Variants in ACYP2 observed in about 807,000 individuals in gnomAD.
ACYP2 encodes the protein acylphosphatase-2.
A neutral mutation model predicts 11.2 loss-of-function variants in ACYP2; 12 were observed. The ratio of observed to expected loss-of-function variants is 1.08; its 90% confidence interval spans 0.69 to 1.74. The LOEUF (loss-of-function observed/expected upper bound fraction) is 1.74, where lower values mean the gene tolerates loss of function less well. Ranked by LOEUF, ACYP2 falls within the 40% of genes most tolerant of loss-of-function variation. ACYP2 has a pLI of 0.00. For synonymous variants in ACYP2, 43 were observed against 32.2 expected, an observed-to-expected ratio of 1.33 and a Z score of -1.13; for missense variants, 134 against 101.9, an observed-to-expected ratio of 1.31 and a Z score of -1.35.
intron 6 of ACYP2, among the ~76,000 whole-genome samples, chr2:54,160,391 T>C (rs1682658905): frequency 6.6e-6 from 1 of 152,342 alleles, no homozygotes; most frequent in Non-Finnish European, 1.5e-5. Context: ...ATCAGCTTTT[T>C]CAGCCACTCA....
intron 4 of ACYP2, among the ~76,000 whole-genome samples, chr2:54,058,309 TA>T (rs36054811): frequency 1.4e-4 from 20 of 144,730 alleles, no homozygotes; most frequent in East Asian, 1.2e-3. Context: ...AAGCTTATAT[TA>T]AAAAAAAAAA....
intron 6 of ACYP2, among the ~76,000 whole-genome samples, chr2:54,196,635 T>G (rs1684492770): frequency 6.6e-6 from 1 of 152,178 alleles, no homozygotes; most frequent in African/African-American, 2.4e-5. Flanking sequence ...GCTGGATAAT[T>G]CTTTGTTGTG....
chr2:54,100,628 A>C (rs1291645406), intron 4 of ACYP2, among the ~76,000 whole-genome samples: 3 of 151,658 alleles, frequency 2.0e-5, no homozygotes, highest in African/African-American at 7.3e-5. Flanking sequence ...CTTTTTTAAT[A>C]CTCTACCAAT....
intron 2 of ACYP2, among the ~76,000 whole-genome samples, chr2:54,035,009 CAAAAAAA>C (rs550142135): frequency 2.0e-4 from 9 of 44,748 alleles, no homozygotes; most frequent in Non-Finnish European, 3.7e-4. Flanking sequence ...GACTACATCT[CAAAAAAA>C]AAAAAAAAAA....
chr2:54,104,482 G>T (rs550084982), intron 4 of ACYP2, among the ~76,000 whole-genome samples: 2 of 152,220 alleles, frequency 1.3e-5, no homozygotes, highest in South Asian at 2.1e-4. Context: ...CCTTTGTAAA[G>T]AACTTTTCCA....
At chr2:54,105,244 A>G (rs1390273756) in intron 4 of ACYP2, among the ~76,000 whole-genome samples, 2 of 152,118 alleles carry the variant, frequency 1.3e-5, no homozygotes, top group Non-Finnish European at 2.9e-5. Flanking sequence ...TGAAAGCTGT[A>G]TTTAATGCCA....
chr2:54,093,582 G>A (rs975663414), intron 4 of ACYP2, among the ~76,000 whole-genome samples: 1 of 152,188 alleles, frequency 6.6e-6, no homozygotes, highest in African/African-American at 2.4e-5. Context: ...TCTGGGTACA[G>A]GTCACTTCCT....
intron 4 of ACYP2, among the ~76,000 whole-genome samples, chr2:54,092,319 G>A (rs752504768): frequency 6.6e-6 from 1 of 152,206 alleles, no homozygotes; most frequent in African/African-American, 2.4e-5. Flanking sequence ...ATAATCAGGA[G>A]AAGTTGGGAT....
At position 53,973,812 on chromosome 2, in the gene ACYP2, T is replaced by G. The variant is rs1671301212; in HGVS notation, c.62+2T>G. The G allele has an allele frequency of 3.3e-6, 1 of 306,850 alleles. No individual in the cohort carries two copies. The highest frequency in any genetic ancestry group is 2.2e-5 in the African/African-American group (1 of 44,894). 19.0% of individuals were successfully genotyped at this position (306,850 alleles called of 1,614,324 possible). On this transcript the variant is annotated splice_donor_variant, in intron 2 of 6. Transcript: ENST00000607452. LOFTEE classifies it high-confidence loss of function. ...ACGGACGCGCGAGACAATGAGGAGG[T>G]ACTTGGAATAAAAGGAGGGATTTTT...
intron 6 of ACYP2, among the ~76,000 whole-genome samples, chr2:54,252,072 A>T (rs1687251692): frequency 6.6e-6 from 1 of 152,214 alleles, no homozygotes; most frequent in Admixed American, 6.5e-5. Flanking sequence ...CGTAAATCTC[A>T]GACCCGTCAC....
At chr2:53,982,834 G>C (rs906511961) in intron 2 of ACYP2, among the ~76,000 whole-genome samples, 61 of 69,816 alleles carry the variant, frequency 8.7e-4, no homozygotes, top group African/African-American at 2.5e-3. Context: ...AAGACTGTGT[G>C]TGTGTGTGTG....
rs1248716399 is a variant in ACYP2, at chr2:54,302,182, G to A, written c.405-2506G>A. ...CCTATGCCCAGTAGCCCTAGTCTTGGATTCCATGGTTTCAATTTCTCCCTT... is the reference window on the plus strand; with the variant it reads ...CCTATGCCCAGTAGCCCTAGTCTTGAATTCCATGGTTTCAATTTCTCCCTT... On this transcript the variant is annotated intron_variant, in intron 6 of 6. Transcript: ENST00000607452. Among the ~76,000 whole-genome samples, 3 of 152,180 alleles carry A rather than the reference G, an allele frequency of 2.0e-5. No individual in the cohort carries two copies. In the South Asian group the frequency reaches 6.2e-4, roughly 32 times the overall value.
chr2:54,146,655 A>G (rs1175981459), intron 6 of ACYP2, among the ~76,000 whole-genome samples: 2 of 151,594 alleles, frequency 1.3e-5, no homozygotes, highest in Non-Finnish European at 2.9e-5. Context: ...CAACCTTTCT[A>G]TTATTTTTGT....
chr2:54,256,647 GTTAC>G (rs1687552911), intron 6 of ACYP2, among the ~76,000 whole-genome samples: 1 of 152,034 alleles, frequency 6.6e-6, no homozygotes, highest in Non-Finnish European at 1.5e-5. Context: ...ACTCTGTGGG[GTTAC>G]TTTTCTTTTG....
chr2:54,230,019 A>G (rs1686165597), intron 6 of ACYP2, among the ~76,000 whole-genome samples: 1 of 152,124 alleles, frequency 6.6e-6, no homozygotes, highest in African/African-American at 2.4e-5. Context: ...GTTTTATTTG[A>G]CCCTATATAT....
chr2:54,182,286 C>T (rs1683777119), intron 6 of ACYP2, among the ~76,000 whole-genome samples: 1 of 151,776 alleles, frequency 6.6e-6, no homozygotes, highest in Admixed American at 6.6e-5. Context: ...TCTCAAACTC[C>T]TGCCCTCATG....
chr2:54,017,924 T>C (rs928422840), intron 2 of ACYP2, among the ~76,000 whole-genome samples: 1 of 152,110 alleles, frequency 6.6e-6, no homozygotes, highest in Non-Finnish European at 1.5e-5. Context: ...GGTCTTGAAC[T>C]CCTGGCCTCA....
At chr2:54,007,017 C>T (rs112278464) in intron 2 of ACYP2, among the ~76,000 whole-genome samples, 2 of 150,864 alleles carry the variant, frequency 1.3e-5, no homozygotes, top group African/African-American at 2.4e-5. Context: ...CCCAGCTACT[C>T]GGTAGGCTGA....
intron 6 of ACYP2, among the ~76,000 whole-genome samples, chr2:54,245,660 G>GTAT (rs1686915474): frequency 3.3e-5 from 5 of 150,418 alleles, no homozygotes; most frequent in Admixed American, 3.3e-4. Flanking sequence ...ATAAATGTAT[G>GTAT]TCTCTTTTGA....
Sources: gnomAD v4.1 joint callset for allele counts (sites outside exome capture counted in the v4.1 genomes callset) on GRCh38, gnomAD v4.1.1 for gene constraint, MANE v1.5 for transcripts, NCBI Gene and HGNC (gene_info 2026-07-23, HGNC 2026-07-21) for gene names.